The following PID1 variants were observed in gnomAD, a reference collection of about 807,000 sequenced individuals.
PID1 encodes the protein phosphotyrosine interaction domain containing 1.
In PID1, 10 loss-of-function variants were observed where a neutral mutation model predicts 19.1. The ratio of observed to expected loss-of-function variants is 0.52; its 90% CI spans 0.32 to 0.89. PID1 has a LOEUF of 0.89. Among genes scored for constraint, PID1 ranks in the 40% least tolerant of loss-of-function variants. The probability of loss-of-function intolerance (pLI) is 0.03; values close to 1 mark genes in which losing one functional copy is unlikely to be tolerated. For synonymous variants in PID1, 130 were observed against 116.0 expected, an observed-to-expected ratio of 1.12 and a Z score of -0.78; for missense variants, 248 against 285.3, an observed-to-expected ratio of 0.87 and a Z score of 0.94.
In PID1 at chr2:229,025,863, G is replaced by A. The variant is rs147550577; in HGVS notation, c.423C>T (p.Asn141=). 2.6e-3 allele frequency: 4,202 copies of A among 1,614,248 alleles called. 6 individuals carry two copies. Among genetic ancestry groups the A allele is most frequent in the Non-Finnish European group, 3.2e-3 (3,795 of 1,180,028 alleles). The change falls in exon 3 of 3, where the codon AAC becomes AAT. Residue 141 remains asparagine, a synonymous_variant. Coordinates refer to ENST00000392055, the MANE Select transcript of PID1 (RefSeq NM_001100818.2). ...CCCAGGCGAAGATGTTGGGGCTCAC[G>A]TTGTGGTCGGCGGTGCAGTAGGCGA... ...ARIAYCTADH[N]VSPNIFAWVY...
intron 2 of PID1, among the ~76,000 whole-genome samples, chr2:229,066,493 T>A (rs1281942644): frequency 1.3e-5 from 2 of 152,120 alleles, no homozygotes; most frequent in African/African-American, 4.8e-5. Context: ...CTTTTATATA[T>A]GCAAAAACAG....
intron 2 of PID1, among the ~76,000 whole-genome samples, chr2:229,102,117 C>T (rs1425515591): frequency 6.6e-6 from 1 of 152,104 alleles, no homozygotes. Flanking sequence ...GGCAAGGACA[C>T]AGATTCTCCC....
chr2:229,158,938 G>C (rs553958402), intron 1 of PID1, among the ~76,000 whole-genome samples: 6 of 152,168 alleles, frequency 3.9e-5, no homozygotes, highest in Admixed American at 1.3e-4. Flanking sequence ...GTGAAGGGTA[G>C]GGGGGAGCTG....
chr2:229,237,729 T>C (rs1689752446), intron 1 of PID1, among the ~76,000 whole-genome samples: 2 of 152,180 alleles, frequency 1.3e-5, no homozygotes, highest in East Asian at 1.9e-4. Flanking sequence ...TACATTTTCA[T>C]GTCCTTTACC....
chr2:229,271,167 G>C lies in PID1; in HGVS notation c.-124C>G. On this transcript the variant is annotated 5_prime_UTR_variant, in exon 1 of 3. Coordinates refer to ENST00000392055, the MANE Select transcript of PID1 (RefSeq NM_001100818.2). ...TCCGCGGGATGTGCGTCCTGGCGCT[G>C]GCCACCGCCGCCGGGTGGGCGTAGG... The C allele has an allele frequency of 9.0e-7, 1 of 1,108,430 alleles. No individual in the cohort carries two copies. Among genetic ancestry groups the C allele is most frequent in the South Asian group, 1.5e-5 (1 of 64,836 alleles). The allele number at this position is 1,108,430 out of a possible 1,614,324, so 68.7% of individuals were successfully genotyped here. A position where few individuals can be genotyped will look rare whatever the true frequency, so the allele number is the denominator to read the frequency against.
At chr2:229,057,582 C>T (rs573894698) in intron 2 of PID1, among the ~76,000 whole-genome samples, 7 of 145,230 alleles carry the variant, frequency 4.8e-5, no homozygotes, top group African/African-American at 1.7e-4. Flanking sequence ...ATTTTTGATA[C>T]TGTGATAACT....
intron 1 of PID1, among the ~76,000 whole-genome samples, chr2:229,251,656 A>C (rs1000552247): frequency 4.6e-5 from 7 of 152,252 alleles, no homozygotes; most frequent in African/African-American, 1.4e-4. Flanking sequence ...AATTTGCTCT[A>C]TCACACATTT....
chr2:229,031,460 G>A (rs1693553850), intron 2 of PID1, among the ~76,000 whole-genome samples: 1 of 151,900 alleles, frequency 6.6e-6, no homozygotes, highest in South Asian at 2.1e-4. Context: ...AGGAGGCTGA[G>A]CAGGAGAACT....
At chr2:229,076,150 A>G (rs1011135061) in intron 2 of PID1, among the ~76,000 whole-genome samples, 19 of 152,184 alleles carry the variant, frequency 1.2e-4, no homozygotes, top group African/African-American at 4.3e-4. Flanking sequence ...CGTAGGGCCC[A>G]GTAATCTATA....
intron 1 of PID1, among the ~76,000 whole-genome samples, chr2:229,269,139 A>T (rs985313977): frequency 2.7e-5 from 4 of 150,684 alleles, no homozygotes; most frequent in African/African-American, 4.8e-5. Flanking sequence ...GTTGGTAAGG[A>T]CCTTCCAACA....
At chr2:229,110,588 C>G (rs969847083) in intron 2 of PID1, among the ~76,000 whole-genome samples, 21 of 152,198 alleles carry the variant, frequency 1.4e-4, no homozygotes, top group African/African-American at 4.3e-4. Context: ...AGTTTGATAT[C>G]AGAGATGGCA....
chr2:229,109,575 T>C (rs1695252605), intron 2 of PID1, among the ~76,000 whole-genome samples: 1 of 152,196 alleles, frequency 6.6e-6, no homozygotes, highest in Non-Finnish European at 1.5e-5. Context: ...TTAAGACCTC[T>C]GTCAATATAA....
At chr2:229,253,280 A>T (rs964036984) in intron 1 of PID1, among the ~76,000 whole-genome samples, 2 of 152,186 alleles carry the variant, frequency 1.3e-5, no homozygotes, top group Non-Finnish European at 2.9e-5. Context: ...TTTGTTTCAT[A>T]ATGTGTACCA....
intron 2 of PID1, among the ~76,000 whole-genome samples, chr2:229,046,387 T>TGTGTGTGC (rs1553555222): frequency 4.8e-5 from 7 of 145,652 alleles, no homozygotes; most frequent in African/African-American, 1.6e-4. Flanking sequence ...TGTGCGTGTG[T>TGTGTGTGC]GTGTGTGTGT....
chr2:229,161,974 A>G (rs1421592467), intron 1 of PID1, among the ~76,000 whole-genome samples: 1 of 152,254 alleles, frequency 6.6e-6, no homozygotes. Flanking sequence ...AATAGCAAAA[A>G]GAAATAGCAT....
At chr2:229,266,538 A>G (rs917241481) in intron 1 of PID1, among the ~76,000 whole-genome samples, 4 of 152,160 alleles carry the variant, frequency 2.6e-5, no homozygotes, top group Admixed American at 6.5e-5. Context: ...TCATTGCTCT[A>G]ACTGTATTTA....
intron 2 of PID1, among the ~76,000 whole-genome samples, chr2:229,064,252 T>TGGTACAAAATAGAGAGCCA (rs1694274739): frequency 2.6e-5 from 4 of 152,034 alleles, no homozygotes; most frequent in African/African-American, 9.7e-5. Flanking sequence ...AAGAGGATGA[T>TGGTACAAAATAGAGAGCCA]GGTACAAAAT....
rs145867542 is a variant in PID1 at position 229,125,015 on chromosome 2, A to G, written c.177+30803T>C. Among the ~76,000 whole-genome samples, 50 of 152,300 alleles carry G rather than the reference A, an allele frequency of 3.3e-4. No individual in the cohort carries two copies. In the East Asian group the frequency reaches 8.7e-3, roughly 26 times the overall value. The stretch of plus-strand genomic sequence containing the variant: ...AGTGTGTGTCTGTTGGTATGCAACA[A>G]TGAAATGTGTATGACTATTTACCAA... On this transcript the variant is annotated intron_variant, in intron 2 of 2. Coordinates refer to ENST00000392055, the MANE Select transcript of PID1 (RefSeq NM_001100818.2).
chr2:229,115,468 A>AAAG (rs1164947258), intron 2 of PID1, among the ~76,000 whole-genome samples: 1 of 152,032 alleles, frequency 6.6e-6, no homozygotes, highest in Non-Finnish European at 1.5e-5. Flanking sequence ...AAGAAAAACA[A>AAAG]AAGAAGAAGA....
Sources: allele counts gnomAD v4.1 joint callset (sites outside exome capture counted in the v4.1 genomes callset), GRCh38; gene constraint gnomAD v4.1.1; transcripts MANE v1.5; gene names NCBI Gene and HGNC (gene_info 2026-07-23, HGNC 2026-07-21).